Variants in ARMC3 observed in about 807,000 individuals in gnomAD.
ARMC3 encodes the protein armadillo repeat containing 3.
In ARMC3, 74 loss-of-function variants were observed where a neutral mutation model predicts 90.3. That is an observed-to-expected ratio of 0.82 (90% CI 0.68 to 0.99). The LOEUF is 0.99. Ranked by LOEUF, ARMC3 falls within the 50% of genes least tolerant of loss-of-function variation. The probability of loss-of-function intolerance (pLI) is 0.00; values close to 1 mark genes in which losing one functional copy is unlikely to be tolerated. For missense variants in ARMC3, 958 were observed against 1,042.8 expected, an observed-to-expected ratio of 0.92 and a Z score of 1.12; for synonymous variants, 334 against 361.8, an observed-to-expected ratio of 0.92 and a Z score of 0.87.
At chr10:23,027,893 C>A (rs1043157214) in intron 16 of ARMC3, among the ~76,000 whole-genome samples, 1 of 152,114 alleles carries the variant, frequency 6.6e-6, no homozygotes, top group African/African-American at 2.4e-5. Context: ...GTAATCGCAG[C>A]ATTTTGGGAG....
intron 17 of ARMC3, among the ~76,000 whole-genome samples, chr10:23,031,546 G>T (rs1183013716): frequency 1.3e-5 from 2 of 152,196 alleles, no homozygotes; most frequent in Non-Finnish European, 2.9e-5. Flanking sequence ...ACAACTGCAA[G>T]TAACACAGCT....
intron 10 of ARMC3, among the ~76,000 whole-genome samples, chr10:22,990,966 TCTCCCCCTCTCTGCTTCCTCTGC>T (rs1365684137): frequency 1.3e-5 from 2 of 151,756 alleles, no homozygotes; most frequent in East Asian, 1.9e-4. Context: ...TAGTCTCCCT[TCTCCCCCTCTCTGCTTCCTCTGC>T]CTCCTCCTCT....
At chr10:22,951,025 C>T (rs1262982486) in intron 3 of ARMC3, among the ~76,000 whole-genome samples, 3 of 151,762 alleles carry the variant, frequency 2.0e-5, no homozygotes, top group South Asian at 2.1e-4. Context: ...GCAAGCTCCG[C>T]CTCCCGGCTT....
chr10:22,965,218 C>T (rs1357776052), intron 7 of ARMC3, among the ~76,000 whole-genome samples: 1 of 152,238 alleles, frequency 6.6e-6, no homozygotes, highest in Non-Finnish European at 1.5e-5. Flanking sequence ...TGAAGAACCT[C>T]ATTTAGCATT....
chr10:22,960,845 C>A (rs1392036689), intron 6 of ARMC3: 1 of 152,388 alleles, frequency 6.6e-6, no homozygotes, highest in Admixed American at 6.5e-5. Flanking sequence ...CTCTCCTCTT[C>A]CCAGCTTCAT....
chr10:22,963,834 G>A (rs2131269388), intron 7 of ARMC3, among the ~76,000 whole-genome samples: 1 of 143,830 alleles, frequency 7.0e-6, no homozygotes, highest in East Asian at 2.2e-4. Context: ...AGGTTGCAGT[G>A]AGCTGAGATC....
intron 2 of ARMC3, among the ~76,000 whole-genome samples, chr10:22,932,719 T>C (rs1833978227): frequency 6.6e-6 from 1 of 152,194 alleles, no homozygotes; most frequent in Non-Finnish European, 1.5e-5. Context: ...AAATCAGGAA[T>C]AGAAAAGAAA....
chr10:23,030,219 T>C (rs1838866179), intron 16 of ARMC3, among the ~76,000 whole-genome samples: 1 of 152,192 alleles, frequency 6.6e-6, no homozygotes, highest in African/African-American at 2.4e-5. Context: ...AATACAGTCA[T>C]TCCTCAGTAT....
In ARMC3 at chr10:23,032,863, A is replaced by T. The variant is rs1442436548; in HGVS notation, c.2249A>T (p.Tyr750Phe). ...IKEQIEDLAK[Y>F]VAEKMGGKIP... ...TGATCTCAATGTAATTGACACAGGT[A>T]TGTAGCAGAAAAAATGGGTGGTAAG... The change falls in exon 18 of 19, where the codon TAT becomes TTT. Residue 750 changes from tyrosine to phenylalanine, a missense_variant and splice_region_variant. Physicochemically the swap from Tyr to Phe is conservative, Grantham distance 22 (BLOSUM62 3). Coordinates refer to ENST00000298032, the MANE Select transcript of ARMC3 (RefSeq NM_173081.5). The T allele has an allele frequency of 1.2e-6, 2 of 1,611,558 alleles. No homozygotes were observed. The highest frequency in any genetic ancestry group is 1.7e-5 in the Admixed American group (1 of 59,870).
At chr10:23,008,054 T>C (rs565256025) in intron 14 of ARMC3, among the ~76,000 whole-genome samples, 1 of 152,180 alleles carries the variant, frequency 6.6e-6, no homozygotes, top group African/African-American at 2.4e-5. Context: ...CAGTGAGCCA[T>C]CATCGCACCA....
chr10:22,988,394 G>A (rs947131860), intron 10 of ARMC3, among the ~76,000 whole-genome samples: 2 of 152,168 alleles, frequency 1.3e-5, no homozygotes, highest in African/African-American at 4.8e-5. Flanking sequence ...TCAGGGAGGG[G>A]CATGATCTTA....
chr10:23,026,420 C>T (rs767603351), intron 16 of ARMC3, among the ~76,000 whole-genome samples: 4 of 152,020 alleles, frequency 2.6e-5, no homozygotes, highest in African/African-American at 9.7e-5. Context: ...CCTAGGAATG[C>T]AAGCCTGTGT....
rs531203768 is a variant in ARMC3, at chr10:22,951,318, A to G, written c.167-4489A>G. 7.2e-5 allele frequency among the ~76,000 whole-genome samples: 11 copies of G among 152,362 alleles called. No homozygotes were observed. In the South Asian group the frequency reaches 1.7e-3, roughly 23 times the overall value. Reference sequence around the variant, plus strand: ...ATAATGCAAGGAGAAATAGATATCCACAATTAAAGCTGGAGATTTAAATAC... The same window carrying G: ...ATAATGCAAGGAGAAATAGATATCCGCAATTAAAGCTGGAGATTTAAATAC... On this transcript the variant is annotated intron_variant, in intron 3 of 18. Transcript: ENST00000298032.
chr10:22,975,684 A>G (rs1835890187), intron 8 of ARMC3, among the ~76,000 whole-genome samples: 1 of 152,120 alleles, frequency 6.6e-6, no homozygotes, highest in Non-Finnish European at 1.5e-5. Flanking sequence ...TTTTATCCTG[A>G]GTTTGAAAAT....
intron 12 of ARMC3, among the ~76,000 whole-genome samples, chr10:23,002,493 T>C (rs992642493): frequency 1.3e-5 from 2 of 152,192 alleles, no homozygotes; most frequent in Admixed American, 6.5e-5. Context: ...CAAAAGCAGA[T>C]GAGTTTGTTG....
Position 22,998,040 on chromosome 10 carries a change from C to A in ARMC3, c.1176-108C>A, listed in dbSNP as rs1362875877. 6 of 1,301,822 alleles carry A rather than the reference C, an allele frequency of 4.6e-6. No homozygotes were observed. The Admixed American group carries it at 1.3e-4, about 29-fold the overall frequency. The allele number at this position is 1,301,822 out of a possible 1,614,324, so 80.6% of individuals were successfully genotyped here. ...CATTGCATGGCAAATTAATTTATTT[C>A]TAAAATCGTATTTCTGTACTCATTT... On this transcript the variant is annotated intron_variant, in intron 10 of 18. Transcript: ENST00000298032.
chr10:22,942,454 C>G (rs1834358747), intron 2 of ARMC3, among the ~76,000 whole-genome samples: 1 of 152,226 alleles, frequency 6.6e-6, no homozygotes, highest in Non-Finnish European at 1.5e-5. Flanking sequence ...GAGAACACTT[C>G]TCTTCTGCCT....
intron 16 of ARMC3, among the ~76,000 whole-genome samples, chr10:23,027,322 C>T (rs1043331930): frequency 9.2e-5 from 14 of 152,160 alleles, no homozygotes; most frequent in Admixed American, 9.2e-4. Flanking sequence ...ATATTCAGCA[C>T]ATAGATCATG....
Position 22,961,906 on chromosome 10 carries a change from T to G in ARMC3, c.560T>G (p.Leu187Arg). ...CAGGATTTTCAGTGTCGAGCTAAAC[T>G]TCAAGAACTAAATGCAATACCTCCT... The part of the protein sequence containing the change: ...LVQDFQCRAK[L>R]QELNAIPPIL... The change falls in exon 7 of 19, where the codon CTT becomes CGT. Residue 187 changes from leucine (L) to arginine (R), a missense_variant. Leu to Arg is a moderately radical substitution (Grantham distance 102, BLOSUM62 -2). Transcript: ENST00000298032. 6 of 1,606,534 alleles carry G rather than the reference T, an allele frequency of 3.7e-6. No individual in the cohort carries two copies. Among genetic ancestry groups the G allele is most frequent in the Non-Finnish European group, 5.1e-6 (6 of 1,177,920 alleles).
Sources: gnomAD v4.1 joint callset for allele counts (sites outside exome capture counted in the v4.1 genomes callset) on GRCh38, gnomAD v4.1.1 for gene constraint, MANE v1.5 for transcripts, NCBI Gene and HGNC (gene_info 2026-07-23, HGNC 2026-07-21) for gene names.